STAG1: variants seen among roughly 807,000 people sequenced by gnomAD.
STAG1 encodes STAG1 cohesin complex component.
Under a neutral mutation model 170.9 loss-of-function variants are expected in STAG1, and 26 were observed. The observed-to-expected ratio is 0.15, with a 90% CI of 0.11 to 0.21. STAG1 has a LOEUF of 0.21. Among genes scored for constraint, STAG1 ranks in the 10% least tolerant of loss-of-function variants. STAG1 has a pLI of 1.00. For synonymous variants in STAG1, 514 were observed against 497.7 expected (o/e 1.03, Z -0.44); for missense variants, 964 against 1,509.5 (o/e 0.64, Z 5.99).
chr3:136,518,465 T>C (rs1026895622), intron 7 of STAG1: 11 of 686,602 alleles, frequency 1.6e-5, no homozygotes, highest in Non-Finnish European at 2.7e-5. Flanking sequence ...CTCGTACATA[T>C]ACCATTAAAA....
chr3:136,557,341 C>T (rs1936663293), intron 5 of STAG1, among the ~76,000 whole-genome samples: 1 of 152,096 alleles, frequency 6.6e-6, no homozygotes, highest in African/African-American at 2.4e-5. Context: ...TTGATATATG[C>T]TAATGGGGTC....
chr3:136,476,702 T>A (rs1203369746), intron 10 of STAG1, among the ~76,000 whole-genome samples: 1 of 152,178 alleles, frequency 6.6e-6, no homozygotes, highest in Admixed American at 6.6e-5. Context: ...TTTGGGGCTC[T>A]AATATACTCT....
intron 5 of STAG1, among the ~76,000 whole-genome samples, chr3:136,545,865 T>G (rs1371867662): frequency 1.3e-5 from 2 of 152,134 alleles, no homozygotes; most frequent in Non-Finnish European, 2.9e-5. Flanking sequence ...ACAGTCCTTG[T>G]GGGGGAGGAA....
intron 5 of STAG1, among the ~76,000 whole-genome samples, chr3:136,557,502 T>C (rs891288866): frequency 6.6e-6 from 1 of 152,162 alleles, no homozygotes; most frequent in Non-Finnish European, 1.5e-5. Context: ...CAGGAGAGTA[T>C]CTTCATGACC....
intron 4 of STAG1, among the ~76,000 whole-genome samples, chr3:136,582,193 T>C (rs767012859): frequency 7.0e-5 from 10 of 142,426 alleles, no homozygotes; most frequent in Non-Finnish European, 1.4e-4. Flanking sequence ...TGCTTTGTTT[T>C]TTGTGTGGGG....
chr3:136,548,512 G>A (rs1432837517), intron 5 of STAG1, among the ~76,000 whole-genome samples: 1 of 152,016 alleles, frequency 6.6e-6, no homozygotes, highest in Non-Finnish European at 1.5e-5. Context: ...TGGGTATTAA[G>A]GGTTCTCTGT....
intron 30 of STAG1, among the ~76,000 whole-genome samples, chr3:136,342,130 C>G (rs767567402): frequency 2.7e-5 from 4 of 150,702 alleles, no homozygotes; most frequent in Non-Finnish European, 3.0e-5. Context: ...AGGGATTCTT[C>G]TGTCTCAGCC....
intron 3 of STAG1, among the ~76,000 whole-genome samples, chr3:136,611,117 T>C (rs1292917830): frequency 6.6e-6 from 1 of 152,180 alleles, no homozygotes; most frequent in African/African-American, 2.4e-5. Context: ...GTTTCACATA[T>C]ACCTTACACA....
At chr3:136,407,330 C>T (rs1165227198) in intron 21 of STAG1, among the ~76,000 whole-genome samples, 1 of 152,092 alleles carries the variant, frequency 6.6e-6, no homozygotes, top group Non-Finnish European at 1.5e-5. Context: ...CAGCCTCTTT[C>T]ATTAATGTTT....
At chr3:136,373,635 C>A (rs193106217) in intron 23 of STAG1, among the ~76,000 whole-genome samples, 4 of 152,220 alleles carry the variant, frequency 2.6e-5, no homozygotes, top group African/African-American at 9.6e-5. Context: ...GCAGGTTGTT[C>A]GGTTTCCATG....
At chr3:136,626,149 C>A (rs944193544) in intron 2 of STAG1, among the ~76,000 whole-genome samples, 1 of 150,678 alleles carries the variant, frequency 6.6e-6, no homozygotes, top group Non-Finnish European at 1.5e-5. Flanking sequence ...TCCATACAGC[C>A]GGGTGCAGTG....
At chr3:136,745,487 G>A (rs945391518) in intron 1 of STAG1, among the ~76,000 whole-genome samples, 5 of 152,162 alleles carry the variant, frequency 3.3e-5, no homozygotes, top group African/African-American at 1.2e-4. Context: ...GGATAAAACT[G>A]TTCCACCTCA....
At chr3:136,479,060 CTTTTT>C (rs66966875) in intron 9 of STAG1, among the ~76,000 whole-genome samples, 12 of 125,176 alleles carry the variant, frequency 9.6e-5, no homozygotes, top group African/African-American at 2.6e-4. Context: ...TATAATCTTT[CTTTTT>C]TTTTTTTTTT....
chr3:136,604,013 T>TA (rs1938814936), intron 4 of STAG1, among the ~76,000 whole-genome samples: 1 of 152,174 alleles, frequency 6.6e-6, no homozygotes, highest in Non-Finnish European at 1.5e-5. Context: ...GACACATGTG[T>TA]TACTTACACT....
chr3:136,750,493 G>A (rs991358188), intron 1 of STAG1, among the ~76,000 whole-genome samples: 6 of 152,160 alleles, frequency 3.9e-5, no homozygotes, highest in Admixed American at 2.6e-4. Context: ...CTCTTCAAAG[G>A]AGGCAATCCT....
intron 1 of STAG1, among the ~76,000 whole-genome samples, chr3:136,668,348 A>ACATGATATATATTATG (rs1941870616): frequency 4.1e-5 from 6 of 146,864 alleles, no homozygotes; most frequent in African/African-American, 1.2e-4. Context: ...CATATATTAT[A>ACATGATATATATTATG]CATGATATAT....
intron 5 of STAG1, among the ~76,000 whole-genome samples, chr3:136,543,496 A>C (rs1224946248): frequency 1.3e-5 from 2 of 152,178 alleles, no homozygotes; most frequent in African/African-American, 4.8e-5. Context: ...TATATAGACA[A>C]CAATAAAAAC....
chr3:136,738,405 C>T (rs1358905003), intron 1 of STAG1, among the ~76,000 whole-genome samples: 3 of 152,192 alleles, frequency 2.0e-5, no homozygotes, highest in Non-Finnish European at 4.4e-5. Context: ...GAAGTAGAAA[C>T]GCTTGAACCC....
chr3:136,400,604 C>T (rs1243897665), intron 21 of STAG1, among the ~76,000 whole-genome samples: 3 of 151,672 alleles, frequency 2.0e-5, no homozygotes, highest in Non-Finnish European at 4.4e-5. Context: ...GGCACTGTCT[C>T]GGCTCACTGC....
Sources: allele counts gnomAD v4.1 joint callset (sites outside exome capture counted in the v4.1 genomes callset), GRCh38; gene constraint gnomAD v4.1.1; transcripts MANE v1.5; gene names NCBI Gene and HGNC (gene_info 2026-07-23, HGNC 2026-07-21).